Variants in TNFRSF11A observed in about 807,000 individuals in gnomAD.
The protein encoded by TNFRSF11A is tumor necrosis factor receptor superfamily member 11A.
Under a neutral mutation model 55.7 loss-of-function variants are expected in TNFRSF11A, and 32 were observed. The ratio of observed to expected loss-of-function variants is 0.57; its 90% confidence interval spans 0.43 to 0.77. The LOEUF (loss-of-function observed/expected upper bound fraction) is 0.77. Among genes scored for constraint, TNFRSF11A ranks in the 30% least tolerant of loss-of-function variants. The pLI is 0.00. For missense variants in TNFRSF11A, 753 were observed against 809.8 expected (o/e 0.93, Z 0.85); for synonymous variants, 311 against 331.0 (o/e 0.94, Z 0.65).
At chr18:62,354,808 G>A (rs959272587) in intron 4 of TNFRSF11A, among the ~76,000 whole-genome samples, 1 of 152,204 alleles carries the variant, frequency 6.6e-6, no homozygotes, top group Admixed American at 6.5e-5. Flanking sequence ...TCCTCCATCC[G>A]TGGAAACCTG....
In TNFRSF11A at chr18:62,355,525, C is replaced by T. The variant is rs369280090; in HGVS notation, c.427+991C>T. Among the ~76,000 whole-genome samples, 14 of 152,310 alleles carry T rather than the reference C, an allele frequency of 9.2e-5. No homozygotes were observed. The East Asian group carries it at 1.9e-3, about 21-fold the overall frequency. ...CTCCCGACTTCAGGTGATCTGCCCACCTCGGCCTCCCAAAGTGCTGGGCTG... is the reference window on the plus strand; with the variant it reads ...CTCCCGACTTCAGGTGATCTGCCCATCTCGGCCTCCCAAAGTGCTGGGCTG... On this transcript the variant is annotated intron_variant, in intron 4 of 9. Transcript: ENST00000586569.
intron 4 of TNFRSF11A, among the ~76,000 whole-genome samples, chr18:62,356,326 A>C (rs901260025): frequency 5.3e-5 from 8 of 152,362 alleles, no homozygotes; most frequent in African/African-American, 1.9e-4. Context: ...TGACTAAACC[A>C]GATGTGCTTT....
At position 62,340,093 on chromosome 18, in the gene TNFRSF11A, A is replaced by T. The variant is rs375957340; in HGVS notation, c.76-8075A>T. ...GGCATGAGCCCAGGAGGATCACTTG[A>T]GTATGGGAAGATTGCTTGAACCCAG... On this transcript the variant is annotated intron_variant, in intron 1 of 9. Transcript: ENST00000586569. 1.6e-4 allele frequency among the ~76,000 whole-genome samples: 24 copies of T among 152,108 alleles called. 2 individuals are homozygous for T. The highest frequency in any genetic ancestry group is 5.8e-4 in the African/African-American group (24 of 41,518).
chr18:62,390,906 T>C lies in TNFRSF11A; in HGVS notation c.*5872T>C, dbSNP rs1600440893. ...GTAAAATTCACCCTTTTTAGATATA[T>C]AGTTTTATGAGTTTTAACAAAAATA... is the stretch of plus-strand genomic sequence containing the variant. On this transcript the variant is annotated 3_prime_UTR_variant, in exon 10 of 10. Coordinates refer to ENST00000586569, the MANE Select transcript of TNFRSF11A (RefSeq NM_003839.4). 1 of 152,222 alleles carries C rather than the reference T, an allele frequency of 6.6e-6. No homozygotes were observed. Among genetic ancestry groups the C allele is most frequent in the African/African-American group, 2.4e-5 (1 of 41,452 alleles). The allele number at this position is 152,222 out of a possible 1,614,324, so 9.4% of individuals were successfully genotyped here. A position where few individuals can be genotyped will look rare whatever the true frequency, so the allele number is the denominator to read the frequency against.
intron 3 of TNFRSF11A, among the ~76,000 whole-genome samples, chr18:62,351,956 C>A (rs2046480414): frequency 6.6e-6 from 1 of 152,066 alleles, no homozygotes; most frequent in Non-Finnish European, 1.5e-5. Context: ...GCCACCATGC[C>A]CTGCTAACTT....
At chr18:62,342,060 C>G (rs946029974) in intron 1 of TNFRSF11A, among the ~76,000 whole-genome samples, 5 of 151,756 alleles carry the variant, frequency 3.3e-5, no homozygotes, top group Admixed American at 2.0e-4. Flanking sequence ...ACCTTGTCCC[C>G]TCCTCCAACC....
At chr18:62,332,167 G>C (rs971305355) in intron 1 of TNFRSF11A, among the ~76,000 whole-genome samples, 1 of 152,202 alleles carries the variant, frequency 6.6e-6, no homozygotes, top group Non-Finnish European at 1.5e-5. Flanking sequence ...GGCATTGCCA[G>C]AAATCCTACT....
chr18:62,356,288 C>G (rs1034600818), intron 4 of TNFRSF11A, among the ~76,000 whole-genome samples: 5 of 152,208 alleles, frequency 3.3e-5, no homozygotes, highest in African/African-American at 1.2e-4. Flanking sequence ...GTCTAACTGA[C>G]ACATTCGGTC....
chr18:62,380,561 C>T (rs1269595905), intron 9 of TNFRSF11A, among the ~76,000 whole-genome samples: 5 of 151,302 alleles, frequency 3.3e-5, no homozygotes, highest in African/African-American at 7.3e-5. Context: ...CTCAGCCTCC[C>T]GAGTAGCTGG....
intron 7 of TNFRSF11A, 91 bp from the exon 8 acceptor site, chr18:62,366,617 A>G (rs1258627494): frequency 3.0e-6 from 4 of 1,351,724 alleles, no homozygotes; most frequent in Non-Finnish European, 4.2e-6. Context: ...AACATGTTGT[A>G]TACCTTAAAT....
intron 1 of TNFRSF11A, among the ~76,000 whole-genome samples, chr18:62,332,810 C>T (rs1600347981): frequency 6.6e-6 from 1 of 152,134 alleles, no homozygotes; most frequent in African/African-American, 2.4e-5. Context: ...ACAAAACCCA[C>T]CAAGTATTTT....
intron 1 of TNFRSF11A, among the ~76,000 whole-genome samples, chr18:62,335,211 A>G (rs553509644): frequency 6.6e-6 from 1 of 151,182 alleles, no homozygotes; most frequent in African/African-American, 2.4e-5. Flanking sequence ...GGGTTCAAGC[A>G]ATTCTCCTGC....
chr18:62,374,782 G>C (rs2145371935), intron 9 of TNFRSF11A, among the ~76,000 whole-genome samples: 1 of 152,286 alleles, frequency 6.6e-6, no homozygotes, highest in South Asian at 2.1e-4. Context: ...ATTATGATGG[G>C]AAACATCACT....
intron 1 of TNFRSF11A, among the ~76,000 whole-genome samples, chr18:62,333,473 A>G (rs2046185428): frequency 6.6e-6 from 1 of 152,214 alleles, no homozygotes; most frequent in Admixed American, 6.5e-5. Flanking sequence ...GAAGATTAAT[A>G]TATTACAAGT....
intron 8 of TNFRSF11A, among the ~76,000 whole-genome samples, chr18:62,367,788 C>CTTTTTT (rs67721371): frequency 3.7e-3 from 289 of 78,688 alleles, no homozygotes; most frequent in Middle Eastern, 0.012. Context: ...TCTTCTTCTT[C>CTTTTTT]TTTTTTTTTT....
intron 6 of TNFRSF11A, 99 bp downstream of exon 6, chr18:62,360,148 T>TC (rs1909570180): frequency 1.2e-5 from 10 of 846,126 alleles, no homozygotes; most frequent in Non-Finnish European, 2.0e-5. Context: ...GGGCGTCCTC[T>TC]CCCCCTTTAT....
intron 4 of TNFRSF11A, among the ~76,000 whole-genome samples, 161 bp downstream of exon 4, chr18:62,354,695 A>T (rs1397302226): frequency 6.6e-6 from 1 of 152,188 alleles, no homozygotes; most frequent in Non-Finnish European, 1.5e-5. Context: ...CACGAGATAC[A>T]GGCCCAGGCA....
At chr18:62,339,883 G>T (rs2046287408) in intron 1 of TNFRSF11A, among the ~76,000 whole-genome samples, 1 of 152,170 alleles carries the variant, frequency 6.6e-6, no homozygotes, top group Non-Finnish European at 1.5e-5. Flanking sequence ...TGTGGGGAGA[G>T]GACTGATTCG....
chr18:62,362,875 G>A (rs111900075), intron 7 of TNFRSF11A, among the ~76,000 whole-genome samples: 12,084 of 151,792 alleles, frequency 0.08, 708 homozygotes, highest in Non-Finnish European at 0.12. Flanking sequence ...ACAGAGTCTC[G>A]CTATGTTGCC....
Sources: gnomAD v4.1 joint callset for allele counts (sites outside exome capture counted in the v4.1 genomes callset) on GRCh38, gnomAD v4.1.1 for gene constraint, MANE v1.5 for transcripts, NCBI Gene and HGNC (gene_info 2026-07-23, HGNC 2026-07-21) for gene names.